Variants in ZP2 observed in about 807,000 individuals in gnomAD.
The protein encoded by ZP2 is zona pellucida sperm-binding protein 2.
In ZP2, 51 loss-of-function variants were observed where a neutral mutation model predicts 84.0. The ratio of observed to expected loss-of-function variants is 0.61; its 90% confidence interval spans 0.49 to 0.77. ZP2 has a LOEUF of 0.77. Among genes scored for constraint, ZP2 ranks in the 30% least tolerant of loss-of-function variants. ZP2 has a pLI of 0.00. For missense variants in ZP2, 909 were observed against 911.9 expected, an observed-to-expected ratio of 1.00 and a Z score of 0.04; for synonymous variants, 375 against 330.9, an observed-to-expected ratio of 1.13 and a Z score of -1.45.
Position 21,205,792 on chromosome 16 carries a change from G to A in ZP2, c.484-17C>T, listed in dbSNP as rs767084649. On this transcript the variant is annotated splice_polypyrimidine_tract_variant and intron_variant, in intron 5 of 18. Transcript: ENST00000574091. The stretch of plus-strand genomic sequence containing the variant: ...CAAGGAAAACTGGAAGAAAAGAATT[G>A]TGATGTAAGACTTTGATTTGGAGGT... 6.2e-7 allele frequency: 1 copy of A among 1,613,576 alleles called. No individual in the cohort carries two copies. The highest frequency in any genetic ancestry group is 1.1e-5 in the South Asian group (1 of 91,044).
chr16:21,205,889 G>A, intron 5 of ZP2, 114 bp from the exon 6 acceptor site: 2 of 1,002,702 alleles, frequency 2.0e-6, no homozygotes, highest in Non-Finnish European at 3.1e-6. Flanking sequence ...GGGATGCAGT[G>A]GAAGAAGCAC....
Position 21,211,574 on chromosome 16 carries a change from G to C in ZP2, c.-27C>G, listed in dbSNP as rs200069620. 6.2e-7 allele frequency: 1 copy of C among 1,613,922 alleles called. No individual in the cohort carries two copies. Among genetic ancestry groups the C allele is most frequent in the African/African-American group, 1.3e-5 (1 of 75,010 alleles). On this transcript the variant is annotated 5_prime_UTR_variant, in exon 1 of 19. Coordinates refer to ENST00000574091, the MANE Select transcript of ZP2 (RefSeq NM_001376232.1). ...GCAGAAGACACTACCAGATCAACCA[G>C]GTAGAGGGTAGGCTGCTCTGTGTTT...
upstream of ZP2, chr16:21,211,771 GTT>G: frequency 6.9e-7 from 1 of 1,452,156 alleles, no homozygotes; most frequent in Non-Finnish European, 9.1e-7. Context: ...TGAAATCAGA[GTT>G]TGCTGAAATC....
chr16:21,198,092 A>ATT (rs34614859), intron 17 of ZP2: 22,634 of 253,466 alleles, frequency 0.089, 2,825 homozygotes, highest in African/African-American at 0.36. Context: ...ATTCAAGAGG[A>ATT]TTTTTTTTTT....
chr16:21,211,510 G>A lies in ZP2; in HGVS notation c.38C>T (p.Ser13Leu). ...CCTCCAGCCTGCATTGAACCAGCCT[G>A]AGGGACTCCAAGAGCCTCCTCTCTG... ...CRQRGGSWSPSGWFNAGWSTY... is the reference protein window; with the variant it reads ...CRQRGGSWSPLGWFNAGWSTY... Residue 13 changes from serine to leucine, a missense_variant, in exon 1 of 19, where the codon TCA (serine) becomes TTA (leucine). Physicochemically the swap from Ser to Leu is moderately radical, Grantham distance 145. Transcript: ENST00000574091. 6.2e-7 allele frequency: 1 copy of A among 1,614,146 alleles called. No homozygotes were observed. The highest frequency in any genetic ancestry group is 8.5e-7 in the Non-Finnish European group (1 of 1,180,034).
At chr16:21,206,041 A>C in intron 5 of ZP2, 1 of 476,126 alleles carries the variant, frequency 2.1e-6, no homozygotes, top group Non-Finnish European at 3.8e-6. Flanking sequence ...CTCATCGCCC[A>C]GGCTGGAGTG....
chr16:21,210,555 G>A (rs2093270048), intron 2 of ZP2, among the ~76,000 whole-genome samples: 1 of 151,934 alleles, frequency 6.6e-6, no homozygotes, highest in South Asian at 2.1e-4. Flanking sequence ...CAAAGTCCTG[G>A]GTAAGTCCCA....
chr16:21,210,018 A>G, intron 3 of ZP2, 91 bp downstream of exon 3: 5 of 1,149,746 alleles, frequency 4.3e-6, no homozygotes, highest in Non-Finnish European at 6.5e-6. Context: ...TTGCTGCAGG[A>G]GTTTGGGTAC....
chr16:21,202,319 A>G (rs780108663), intron 10 of ZP2, 28 bp from the exon 11 acceptor site: 37 of 1,485,564 alleles, frequency 2.5e-5, no homozygotes, highest in Middle Eastern at 3.6e-4. Context: ...TTTAGAGAAA[A>G]TAAGTTTGTC....
At position 21,197,845 on chromosome 16, in the gene ZP2, G is replaced by A. The variant is rs376462791; in HGVS notation, c.2016C>T (p.Val672=). 1.7e-5 allele frequency: 28 copies of A among 1,614,056 alleles called. No individual in the cohort carries two copies. The highest frequency in any genetic ancestry group is 1.0e-4 in the Admixed American group (6 of 60,006). ...CACTTGCTTTTAGATCAGATGAGCC[G>A]ACACCTGGGAAGAACCTGAGAGTTT... ...LLSDDSSFRG[V]GSSDLKASGS... Residue 672 remains valine, a synonymous_variant, in exon 18 of 19, where the codon GTC becomes GTT. Transcript: ENST00000574091.
At position 21,206,909 on chromosome 16, in the gene ZP2, A is replaced by G; in HGVS notation, c.412T>C (p.Cys138Arg). Residue 138 changes from cysteine to arginine, a missense_variant, in exon 5 of 19, where the codon TGT becomes CGT. Transcript: ENST00000574091. Reference sequence around the variant, plus strand: ...GTCTCTTCTACTTGCATAGCTGGACAGAAGAACTGATACATGACAGCTCCG... The same window carrying G: ...GTCTCTTCTACTTGCATAGCTGGACGGAAGAACTGATACATGACAGCTCCG... ...RHGAVMYQFF[C>R]PAMQVEETQG... 1 of 1,614,196 alleles carries G rather than the reference A, an allele frequency of 6.2e-7. No individual in the cohort carries two copies. Among genetic ancestry groups the G allele is most frequent in the Non-Finnish European group, 8.5e-7 (1 of 1,180,022 alleles).
At chr16:21,213,848 C>A (rs2093282969), upstream of ZP2, among the ~76,000 whole-genome samples, 1 of 151,980 alleles carries the variant, frequency 6.6e-6, no homozygotes, top group African/African-American at 2.4e-5. Flanking sequence ...AAAAGTGGCA[C>A]CTTTTCTACA....
upstream of ZP2, among the ~76,000 whole-genome samples, chr16:21,213,698 T>A (rs964925338): frequency 6.6e-6 from 1 of 152,118 alleles, no homozygotes; most frequent in Non-Finnish European, 1.5e-5. Flanking sequence ...CTTACGGGAA[T>A]TGAGTAGATT....
chr16:21,209,366 A>G (rs1445991783), intron 4 of ZP2, among the ~76,000 whole-genome samples: 1 of 152,102 alleles, frequency 6.6e-6, no homozygotes, highest in Non-Finnish European at 1.5e-5. Context: ...ATGGGGTTTC[A>G]CCATGTTGGC....
chr16:21,199,542 C>A, intron 16 of ZP2, 28 bp downstream of exon 16: 1 of 1,539,512 alleles, frequency 6.5e-7, no homozygotes, highest in South Asian at 1.3e-5. Context: ...GAATTAGACT[C>A]ACAGAAACAG....
intron 17 of ZP2, 36 bp from the exon 18 acceptor site, chr16:21,197,885 A>G: frequency 6.9e-6 from 11 of 1,595,846 alleles, no homozygotes; most frequent in Non-Finnish European, 7.7e-6. Flanking sequence ...CAACATCTTC[A>G]TGCTAGTCGA....
At chr16:21,211,854 T>C, upstream of ZP2, 1 of 1,202,872 alleles carries the variant, frequency 8.3e-7, no homozygotes, top group Non-Finnish European at 1.1e-6. Flanking sequence ...GGCAAATTAT[T>C]TACAACTGCA....
At chr16:21,197,946 C>T in intron 17 of ZP2, 97 bp from the exon 18 acceptor site, 1 of 1,186,382 alleles carries the variant, frequency 8.4e-7, no homozygotes, top group South Asian at 1.3e-5. Context: ...TTCATTAAGG[C>T]TATCTCAGGT....
chr16:21,203,176 C>T lies in ZP2; in HGVS notation c.1048G>A (p.Val350Ile), dbSNP rs375882969. Residue 350 changes from valine (V) to isoleucine (I), a missense_variant, in exon 10 of 19, where the codon GTA becomes ATA. Val to Ile is a conservative substitution (Grantham distance 29). Coordinates refer to ENST00000574091, the MANE Select transcript of ZP2 (RefSeq NM_001376232.1). ...CACTCAGGATAGATCACCATGGATA[C>T]TGTCTCTGGCCGAAGGAGAAAGGTC... ...KLTFLLRPET[V>I]SMVIYPECLC... is the part of the protein sequence containing the mutation. 4 of 1,613,936 alleles carry T rather than the reference C, an allele frequency of 2.5e-6. No individual in the cohort carries two copies. The highest frequency in any genetic ancestry group is 2.5e-6 in the Non-Finnish European group (3 of 1,179,912).
Sources: gnomAD v4.1 joint callset for allele counts (sites outside exome capture counted in the v4.1 genomes callset) on GRCh38, gnomAD v4.1.1 for gene constraint, MANE v1.5 for transcripts, NCBI Gene and HGNC (gene_info 2026-07-23, HGNC 2026-07-21) for gene names.